FOXN3: variants seen among roughly 807,000 people sequenced by gnomAD.
FOXN3 encodes the protein forkhead box N3, also known as forkhead box protein N3.
FOXN3 carries 7 observed loss-of-function variants against 38.4 expected under a neutral mutation model. The observed-to-expected ratio is 0.18, with a 90% CI of 0.10 to 0.34. The LOEUF (loss-of-function observed/expected upper bound fraction) is 0.34, where lower values mean the gene tolerates loss of function less well. Among genes scored for constraint, FOXN3 ranks in the 10% least tolerant of loss-of-function variants. The probability of loss-of-function intolerance (pLI) is 1.00; values close to 1 mark genes in which losing one functional copy is unlikely to be tolerated. For synonymous variants in FOXN3, 230 were observed against 242.2 expected, an observed-to-expected ratio of 0.95 and a Z score of 0.47; for missense variants, 456 against 613.4, an observed-to-expected ratio of 0.74 and a Z score of 2.71.
At chr14:89,606,961 G>A (rs888238850) in intron 1 of FOXN3, among the ~76,000 whole-genome samples, 1 of 152,150 alleles carries the variant, frequency 6.6e-6, no homozygotes, top group Admixed American at 6.6e-5. Context: ...CAGGCACTTC[G>A]TAAATGAAGA....
At chr14:89,199,545 T>A (rs1357409723) in intron 4 of FOXN3, among the ~76,000 whole-genome samples, 2 of 151,926 alleles carry the variant, frequency 1.3e-5, no homozygotes, top group Admixed American at 6.5e-5. Context: ...GAACAAAAGA[T>A]GATCTAATTA....
intron 3 of FOXN3, among the ~76,000 whole-genome samples, chr14:89,288,724 C>A (rs4609774): frequency 6.6e-4 from 28 of 42,746 alleles, no homozygotes; most frequent in Non-Finnish European, 8.5e-4. Flanking sequence ...CTCTCTCTCT[C>A]TATATATATA....
chr14:89,447,973 C>T (rs1892541817), intron 1 of FOXN3, among the ~76,000 whole-genome samples: 1 of 151,874 alleles, frequency 6.6e-6, no homozygotes, highest in Non-Finnish European at 1.5e-5. Context: ...GCCAACACGC[C>T]CAGCTAATTT....
chr14:89,447,527 C>T (rs1325447287), intron 1 of FOXN3, among the ~76,000 whole-genome samples: 1 of 152,098 alleles, frequency 6.6e-6, no homozygotes, highest in Non-Finnish European at 1.5e-5. Flanking sequence ...ACCAGCCCTC[C>T]CTCTGACATC....
At chr14:89,558,962 C>A (rs1895187912) in intron 1 of FOXN3, among the ~76,000 whole-genome samples, 1 of 152,220 alleles carries the variant, frequency 6.6e-6, no homozygotes, top group Non-Finnish European at 1.5e-5. Context: ...TACCCCCTCG[C>A]ATTCTTGCCC....
chr14:89,471,833 G>A (rs1221607735), intron 1 of FOXN3, among the ~76,000 whole-genome samples: 3 of 152,152 alleles, frequency 2.0e-5, no homozygotes, highest in Non-Finnish European at 4.4e-5. Context: ...CACCTGGTTC[G>A]TCATTTGCAC....
At chr14:89,415,604 CAAAAAAA>C (rs34026101) in intron 1 of FOXN3, among the ~76,000 whole-genome samples, 1 of 54,272 alleles carries the variant, frequency 1.8e-5, no homozygotes, top group Admixed American at 2.8e-4. Context: ...CAACAATAAC[CAAAAAAA>C]AAAAAAAAAA....
chr14:89,549,301 T>C (rs1894952274), intron 1 of FOXN3, among the ~76,000 whole-genome samples: 1 of 151,874 alleles, frequency 6.6e-6, no homozygotes, highest in African/African-American at 2.4e-5. Flanking sequence ...GAACATTTTC[T>C]TTTGAAATGT....
At chr14:89,352,492 C>G (rs1889016142) in intron 2 of FOXN3, among the ~76,000 whole-genome samples, 1 of 152,060 alleles carries the variant, frequency 6.6e-6, no homozygotes. Context: ...TAAAACAAAC[C>G]ACCAAATCCT....
At chr14:89,504,876 C>T (rs1893878822) in intron 1 of FOXN3, among the ~76,000 whole-genome samples, 1 of 152,188 alleles carries the variant, frequency 6.6e-6, no homozygotes, top group Non-Finnish European at 1.5e-5. Context: ...AGACCTGATG[C>T]CCAGAGCTCT....
chr14:89,422,141 G>A (rs1389589483), upstream of FOXN3, among the ~76,000 whole-genome samples: 1 of 152,196 alleles, frequency 6.6e-6, no homozygotes. Flanking sequence ...CAAAGTGCTG[G>A]GATTACAGGC....
At chr14:89,418,724 T>C (rs1214133735), upstream of FOXN3, among the ~76,000 whole-genome samples, 1 of 151,646 alleles carries the variant, frequency 6.6e-6, no homozygotes, top group Non-Finnish European at 1.5e-5. Context: ...GGGTTAGAAG[T>C]GGTAACAAAG....
At chr14:89,278,486 C>G (rs1469899602) in intron 4 of FOXN3, among the ~76,000 whole-genome samples, 1 of 152,186 alleles carries the variant, frequency 6.6e-6, no homozygotes, top group Non-Finnish European at 1.5e-5. Context: ...ATCCCCCACC[C>G]TGGTTCAATT....
chr14:89,242,881 T>C (rs1274801349), intron 4 of FOXN3, among the ~76,000 whole-genome samples: 5 of 152,218 alleles, frequency 3.3e-5, no homozygotes, highest in Non-Finnish European at 2.9e-5. Context: ...GAAAGAGCTA[T>C]TTTTAAAAAT....
At chr14:89,545,292 C>G (rs1021785640) in intron 1 of FOXN3, among the ~76,000 whole-genome samples, 1 of 152,200 alleles carries the variant, frequency 6.6e-6, no homozygotes, top group Non-Finnish European at 1.5e-5. Flanking sequence ...CTTTGCAACC[C>G]TGAACCTGGG....
intron 1 of FOXN3, among the ~76,000 whole-genome samples, chr14:89,560,178 C>A (rs1435557484): frequency 6.6e-6 from 1 of 152,108 alleles, no homozygotes; most frequent in Non-Finnish European, 1.5e-5. Flanking sequence ...ATAACCAGAT[C>A]TTGTGGGAAC....
intron 1 of FOXN3, among the ~76,000 whole-genome samples, chr14:89,524,112 C>T (rs1894377442): frequency 1.4e-5 from 2 of 147,260 alleles, no homozygotes; most frequent in Non-Finnish European, 1.5e-5. Flanking sequence ...CGGTGGCTCA[C>T]GCCTGTAATC....
intron 4 of FOXN3, among the ~76,000 whole-genome samples, chr14:89,258,223 C>A (rs1272883356): frequency 6.6e-6 from 1 of 152,092 alleles, no homozygotes; most frequent in Non-Finnish European, 1.5e-5. Flanking sequence ...CCCTCAGCCT[C>A]CCACCTCCCT....
chr14:89,542,268 C>T (rs1333883940), intron 1 of FOXN3, among the ~76,000 whole-genome samples: 1 of 152,184 alleles, frequency 6.6e-6, no homozygotes, highest in African/African-American at 2.4e-5. Flanking sequence ...ATTAAGAGTG[C>T]CTTTGTTCTC....
Sources: allele counts gnomAD v4.1 joint callset (sites outside exome capture counted in the v4.1 genomes callset), GRCh38; gene constraint gnomAD v4.1.1; transcripts MANE v1.5; gene names NCBI Gene and HGNC (gene_info 2026-07-23, HGNC 2026-07-21).